Variants in SARDH observed in about 807,000 individuals in gnomAD.
SARDH encodes sarcosine dehydrogenase.
SARDH carries 95 observed loss-of-function variants against 109.1 expected under a neutral mutation model. The observed-to-expected ratio is 0.87, with a 90% confidence interval of 0.74 to 1.03. The LOEUF (loss-of-function observed/expected upper bound fraction) is 1.03. Among genes scored for constraint, SARDH ranks in the 50% least tolerant of loss-of-function variants. The pLI is 0.00. For synonymous variants in SARDH, 572 were observed against 534.8 expected (o/e 1.07, Z -0.96); for missense variants, 1,267 against 1,287.8 (o/e 0.98, Z 0.25).
rs956373730 is a variant in SARDH at position 133,673,388 on chromosome 9, G to A, written c.2164-1691C>T. 2.0e-5 allele frequency among the ~76,000 whole-genome samples: 3 copies of A among 152,344 alleles called. No homozygotes were observed. The South Asian group carries it at 6.2e-4, about 32-fold the overall frequency. On this transcript the variant is annotated intron_variant, in intron 17 of 20. Transcript: ENST00000439388. ...AGGAATGGGGAGAGCTAGGCTGACT[G>A]CAGGATCCCAGACAGCGGAGGAGCT...
chr9:133,697,111 A>G (rs888505869), intron 13 of SARDH, among the ~76,000 whole-genome samples: 4 of 152,226 alleles, frequency 2.6e-5, no homozygotes, highest in African/African-American at 9.6e-5. Context: ...GGAATGAAAG[A>G]CAGGAGATCA....
downstream of SARDH, among the ~76,000 whole-genome samples, chr9:133,663,027 T>C (rs149209275): frequency 6.6e-4 from 100 of 151,900 alleles, 3 homozygotes; most frequent in East Asian, 0.018. Flanking sequence ...TAAGAGAGGG[T>C]CCTCCTGCAA....
At chr9:133,677,183 C>G (rs1830545433) in intron 17 of SARDH, among the ~76,000 whole-genome samples, 1 of 152,142 alleles carries the variant, frequency 6.6e-6, no homozygotes, top group Non-Finnish European at 1.5e-5. Context: ...TGAAACCACC[C>G]CTTGGCGTGG....
In SARDH at chr9:133,693,196, G is replaced by C. The variant is rs1174324408; in HGVS notation, c.1921+1062C>G. 6.6e-6 allele frequency among the ~76,000 whole-genome samples: 1 copy of C among 151,922 alleles called. No individual in the cohort carries two copies. Among genetic ancestry groups the C allele is most frequent in the Non-Finnish European group, 1.5e-5 (1 of 67,996 alleles). ...AGAGATACAAACTCCACATGGGCCA[G>C]AACCTCCTGTGTTTGGCTCACTGTT... On this transcript the variant is annotated intron_variant, in intron 15 of 20. Transcript: ENST00000439388. This position sits in a 1 kb window ranked among gnomAD's most constrained non-coding sequence, Gnocchi z 5.6.
intron 16 of SARDH, among the ~76,000 whole-genome samples, chr9:133,685,865 A>T (rs1158678057): frequency 1.3e-5 from 2 of 152,100 alleles, no homozygotes; most frequent in Non-Finnish European, 2.9e-5. Flanking sequence ...CTCTTCCCAG[A>T]CACCACCCCG....
At chr9:133,736,792 C>G (rs1213023274) in intron 1 of SARDH, among the ~76,000 whole-genome samples, 1 of 152,182 alleles carries the variant, frequency 6.6e-6, no homozygotes, top group Non-Finnish European at 1.5e-5. Context: ...CCTCCACTGC[C>G]CTTTTCTGGG....
At chr9:133,706,872 C>A (rs1181586380) in intron 11 of SARDH, among the ~76,000 whole-genome samples, 4 of 152,092 alleles carry the variant, frequency 2.6e-5, no homozygotes, top group Non-Finnish European at 2.9e-5. Flanking sequence ...ACCCCCGAGG[C>A]CCCAAGAAGG....
chr9:133,705,550 C>A (rs1244817219), intron 11 of SARDH, among the ~76,000 whole-genome samples: 1 of 35,548 alleles, frequency 2.8e-5, no homozygotes, highest in Non-Finnish European at 9.4e-5. Flanking sequence ...TCTGCCCTCA[C>A]CCTGAGAACC....
intron 17 of SARDH, among the ~76,000 whole-genome samples, chr9:133,682,998 G>A (rs1467951779): frequency 5.3e-5 from 8 of 152,246 alleles, no homozygotes; most frequent in Admixed American, 2.0e-4. Flanking sequence ...ATGAGCAGGA[G>A]ACTGTGGGGA....
intron 17 of SARDH, among the ~76,000 whole-genome samples, chr9:133,675,281 G>T (rs571561613): frequency 6.6e-6 from 1 of 152,150 alleles, no homozygotes; most frequent in East Asian, 1.9e-4. Context: ...AATCAAGGAG[G>T]TGGAGGCTGC....
chr9:133,732,479 C>T lies in SARDH; in HGVS notation c.454G>A (p.Gly152Ser), dbSNP rs1832722366. ...GLHTGWIQNG[G>S]LFIASNRQRL... Reference sequence around the variant, plus strand: ...TGCCGGTTGGACGCGATGAAGAGGCCCCCATTCTGGATCCAGCCCGTGTGT... The same window carrying T: ...TGCCGGTTGGACGCGATGAAGAGGCTCCCATTCTGGATCCAGCCCGTGTGT... Residue 152 changes from glycine (G) to serine (S), a missense_variant, in exon 3 of 21, where the codon GGC becomes AGC. Transcript: ENST00000439388. 4 of 1,613,536 alleles carry T rather than the reference C, an allele frequency of 2.5e-6. No individual in the cohort carries two copies. Among genetic ancestry groups the T allele is most frequent in the Non-Finnish European group, 3.4e-6 (4 of 1,179,802 alleles).
chr9:133,719,165 G>A, intron 6 of SARDH, 123 bp from the exon 7 acceptor site: 1 of 745,544 alleles, frequency 1.3e-6, no homozygotes, highest in Non-Finnish European at 2.3e-6. Context: ...CCTTCTCGTT[G>A]TAGGACCCCG....
In SARDH at chr9:133,712,517, TG is replaced by T; in HGVS notation, c.1328+101del. The T allele has an allele frequency of 9.3e-7, 1 of 1,078,580 alleles. No homozygotes were observed. The highest frequency in any genetic ancestry group is 1.4e-6 in the Non-Finnish European group (1 of 729,358). The allele number at this position is 1,078,580 out of a possible 1,614,324, so 66.8% of individuals were successfully genotyped here. A position where few individuals can be genotyped will look rare whatever the true frequency, so the allele number is the denominator to read the frequency against. ...CTGCTGCCCCTTCCAGGAAGCCACC[TG>T]GATTTCAGGCAAGGCTCCTTTCTCA... On this transcript the variant is annotated intron_variant, in intron 10 of 20. Coordinates refer to ENST00000439388, the MANE Select transcript of SARDH (RefSeq NM_001134707.2). This position sits in a 1 kb window ranked among gnomAD's most constrained non-coding sequence, Gnocchi z 4.1.
chr9:133,737,653 TGCTGGCGCCGGAG>T (rs1832929568), intron 1 of SARDH, among the ~76,000 whole-genome samples: 1 of 152,162 alleles, frequency 6.6e-6, no homozygotes, highest in African/African-American at 2.4e-5. Context: ...AAGCGACAGC[TGCTGGCGCCGGAG>T]GCTGCCACGT....
At chr9:133,660,121 A>G (rs1832393885), downstream of SARDH, among the ~76,000 whole-genome samples, 2 of 140,818 alleles carry the variant, frequency 1.4e-5, no homozygotes, top group Non-Finnish European at 3.0e-5. Flanking sequence ...TCTTGCAGAG[A>G]CAGCAGCCGT....
At chr9:133,687,132 T>C (rs1392672049) in intron 16 of SARDH, among the ~76,000 whole-genome samples, 3 of 152,196 alleles carry the variant, frequency 2.0e-5, no homozygotes, top group African/African-American at 7.2e-5. Flanking sequence ...GTCCCTCATC[T>C]GTGATGCCAC....
chr9:133,710,351 TCA>T (rs1163735235), intron 10 of SARDH, among the ~76,000 whole-genome samples: 1 of 152,224 alleles, frequency 6.6e-6, no homozygotes, highest in Non-Finnish European at 1.5e-5. Flanking sequence ...CAAAAGGAAC[TCA>T]CGCGCAGGGC....
intron 17 of SARDH, among the ~76,000 whole-genome samples, chr9:133,674,320 G>A (rs181584645): frequency 9.8e-5 from 15 of 152,346 alleles, no homozygotes; most frequent in East Asian, 1.9e-4. Flanking sequence ...CTGACCCATC[G>A]GCCAGGGTTG....
chr9:133,729,816 C>T lies in SARDH; in HGVS notation c.864G>A (p.Leu288=). ...VGRMAGVKVP[L]VAMHHAYVVT... is the part of the protein sequence containing the mutation. ...CGACATAGGCATGGTGCATGGCCAC[C>T]AGCGGGACCTTGACTCCAGCCATCC... The change falls in exon 6 of 21, where the codon CTG becomes CTA. Residue 288 remains leucine (L), a synonymous_variant. Coordinates refer to ENST00000439388, the MANE Select transcript of SARDH (RefSeq NM_001134707.2). 1.2e-6 allele frequency: 2 copies of T among 1,612,718 alleles called. No homozygotes were observed. Among genetic ancestry groups the T allele is most frequent in the Non-Finnish European group, 1.7e-6 (2 of 1,180,022 alleles).
Sources: gnomAD v4.1 joint callset for allele counts (sites outside exome capture counted in the v4.1 genomes callset) on GRCh38, gnomAD v4.1.1 for gene constraint, Gnocchi (gnomAD v3.1) non-coding constraint, MANE v1.5 for transcripts, NCBI Gene and HGNC (gene_info 2026-07-23, HGNC 2026-07-21) for gene names.